SLC4A8: variants seen among roughly 807,000 people sequenced by gnomAD.
SLC4A8 encodes the protein solute carrier family 4 member 8, also known as electroneutral sodium bicarbonate exchanger 1.
A neutral mutation model predicts 125.0 loss-of-function variants in SLC4A8; 40 were observed. That is an observed-to-expected ratio of 0.32 (90% confidence interval 0.25 to 0.42). The LOEUF (loss-of-function observed/expected upper bound fraction) is 0.42, where lower values mean the gene tolerates loss of function less well. Ranked by LOEUF, SLC4A8 falls within the 10% of genes least tolerant of loss-of-function variation. The pLI is 1.00. For synonymous variants in SLC4A8, 456 were observed against 476.0 expected (o/e 0.96, Z 0.55); for missense variants, 863 against 1,355.1 (o/e 0.64, Z 5.70).
intron 1 of SLC4A8, among the ~76,000 whole-genome samples, chr12:51,408,758 G>T (rs757456645): frequency 6.6e-6 from 1 of 152,246 alleles, no homozygotes; most frequent in East Asian, 1.9e-4. Context: ...GGGTGGAGTG[G>T]AGTCCCTGTC....
At chr12:51,404,620 G>C (rs1466974565) in intron 1 of SLC4A8, among the ~76,000 whole-genome samples, 1 of 152,184 alleles carries the variant, frequency 6.6e-6, no homozygotes, top group Non-Finnish European at 1.5e-5. Context: ...TGTTTAGGGT[G>C]GCTAGTGATC....
intron 2 of SLC4A8, among the ~76,000 whole-genome samples, chr12:51,445,889 G>C (rs1949759348): frequency 6.6e-6 from 1 of 152,058 alleles, no homozygotes; most frequent in African/African-American, 2.4e-5. Context: ...TGAAGACTTT[G>C]TTCTGTTCAC....
intron 1 of SLC4A8, among the ~76,000 whole-genome samples, chr12:51,410,844 C>T (rs565824061): frequency 4.6e-5 from 7 of 150,702 alleles, no homozygotes; most frequent in Admixed American, 2.0e-4. Flanking sequence ...CCTATCTCTT[C>T]GAACAATCTT....
chr12:51,471,501 C>A lies in SLC4A8; in HGVS notation c.1873C>A (p.His625Asn), dbSNP rs1351800777. ...GGCAGAGACCTACCCCATCCACATG[C>A]ACAGCCAGCTGGACCACCTTAGCCT... ...HLAETYPIHM[H>N]SQLDHLSLYY... is the part of the protein sequence containing the mutation. The change falls in exon 14 of 25, where the codon CAC (histidine) becomes AAC (asparagine). Residue 625 changes from histidine (H) to asparagine (N), a missense_variant. Around this residue, in one of 6 missense-constraint regions of SLC4A8, gnomAD observed 76 missense variants for 80.2 expected, o/e 0.95. Transcript: ENST00000453097. 6 of 1,614,052 alleles carry A rather than the reference C, an allele frequency of 3.7e-6. No homozygotes were observed. Among genetic ancestry groups the A allele is most frequent in the African/African-American group, 1.3e-5 (1 of 74,922 alleles).
chr12:51,424,037 CAAA>C (rs35611847), upstream of SLC4A8, among the ~76,000 whole-genome samples: 139 of 38,222 alleles, frequency 3.6e-3, 1 homozygote, highest in African/African-American at 0.013. Flanking sequence ...ACTTCGTCTC[CAAA>C]AAAAAAAAAA....
chr12:51,475,103 A>G lies in SLC4A8; in HGVS notation c.2069A>G (p.Tyr690Cys), dbSNP rs1950820752. 6 of 1,613,810 alleles carry G rather than the reference A, an allele frequency of 3.7e-6. No homozygotes were observed. The highest frequency in any genetic ancestry group is 3.4e-6 in the Non-Finnish European group (4 of 1,179,720). ...TCTGCGTGCGGCCATCATGGACCCT[A>G]CACTCCTGATGTCCTCTTTTGGTCC... ...MGSACGHHGP[Y>C]TPDVLFWSCI... Residue 690 changes from tyrosine to cysteine, a missense_variant, in exon 16 of 25, where the codon TAC (tyrosine) becomes TGC (cysteine). By Grantham distance (194) the Tyr-to-Cys change is radical (BLOSUM62 -2). This residue lies in a region of SLC4A8 where 197 missense variants were observed against 377.7 expected (regional missense o/e 0.52). Transcript: ENST00000453097.
At chr12:51,482,312 A>G (rs1412626171) in intron 16 of SLC4A8, among the ~76,000 whole-genome samples, 1 of 152,120 alleles carries the variant, frequency 6.6e-6, no homozygotes, top group Non-Finnish European at 1.5e-5. Flanking sequence ...TGATAAATAT[A>G]ATTATTTCAC....
rs145113233 is a variant in SLC4A8, at chr12:51,425,106, T to A, written c.48+71T>A. ...CCTCCTCATCCTCTGCCCACCCTCC[T>A]TCCTTCTGCCCCCGAGCCCAGGCTT... On this transcript the variant is annotated intron_variant, in intron 1 of 24. Transcript: ENST00000453097. 646 of 1,508,640 alleles carry A rather than the reference T, an allele frequency of 4.3e-4. 4 individuals are homozygous for A. The African/African-American group carries it at 8.4e-3, about 20-fold the overall frequency. 93.5% of individuals were successfully genotyped at this position (1,508,640 alleles called of 1,614,324 possible). A position where few individuals can be genotyped will look rare whatever the true frequency, so the allele number is the denominator to read the frequency against.
At chr12:51,408,133 C>T (rs1948526153) in intron 1 of SLC4A8, among the ~76,000 whole-genome samples, 1 of 152,180 alleles carries the variant, frequency 6.6e-6, no homozygotes, top group Non-Finnish European at 1.5e-5. Context: ...TGCAAGGACC[C>T]TATTTCCAAA....
chr12:51,486,732 T>C (rs149399502), intron 17 of SLC4A8, among the ~76,000 whole-genome samples: 2 of 152,352 alleles, frequency 1.3e-5, no homozygotes, highest in Non-Finnish European at 2.9e-5. Context: ...AGGCAGTCCC[T>C]GACTTGCAAA....
At chr12:51,488,920 T>A in intron 18 of SLC4A8, 60 bp downstream of exon 18, 1 of 1,443,226 alleles carries the variant, frequency 6.9e-7, no homozygotes, top group Non-Finnish European at 9.6e-7. Context: ...TTCGTAAAAT[T>A]TTAGGGTAAG....
chr12:51,395,218 C>T (rs1825477447), intron 1 of SLC4A8, among the ~76,000 whole-genome samples: 1 of 152,186 alleles, frequency 6.6e-6, no homozygotes, highest in Non-Finnish European at 1.5e-5. Flanking sequence ...ACCTTGGGTC[C>T]AAGGTCCCGT....
At chr12:51,485,242 A>G (rs545809679) in intron 16 of SLC4A8, among the ~76,000 whole-genome samples, 1 of 152,306 alleles carries the variant, frequency 6.6e-6, no homozygotes, top group African/African-American at 2.4e-5. Context: ...CATTTAAAAA[A>G]CACTGCAGGG....
chr12:51,479,714 T>G (rs1950964871), intron 16 of SLC4A8, among the ~76,000 whole-genome samples: 1 of 148,492 alleles, frequency 6.7e-6, no homozygotes. Context: ...TGTGGACAAA[T>G]ATAGCTAGCA....
chr12:51,470,655 A>AAATGATGG, intron 13 of SLC4A8, 130 bp downstream of exon 13: 1 of 853,794 alleles, frequency 1.2e-6, no homozygotes, highest in Non-Finnish European at 1.8e-6. Flanking sequence ...AAAGGAGACC[A>AAATGATGG]TCATTTGGTC....
chr12:51,420,896 T>C (rs984232321), upstream of SLC4A8, among the ~76,000 whole-genome samples: 9 of 152,120 alleles, frequency 5.9e-5, no homozygotes, highest in Non-Finnish European at 2.9e-5. Flanking sequence ...CTGGGGAAGT[T>C]ACCTCTCCAA....
upstream of SLC4A8, among the ~76,000 whole-genome samples, chr12:51,420,918 C>T (rs866783516): frequency 4.6e-5 from 7 of 152,152 alleles, no homozygotes; most frequent in South Asian, 2.1e-4. Context: ...CCTCAGTTTT[C>T]TAATCTATAC....
In SLC4A8 at chr12:51,483,138, C is replaced by T. The variant is rs551156008; in HGVS notation, c.2173-2649C>T. On this transcript the variant is annotated intron_variant, in intron 16 of 24. Transcript: ENST00000453097. Reference sequence around the variant, plus strand: ...GCTTCCCTCAGTGTGCTGCTTCTCTCGGCCTTGGTGGAGGCTGAGCCTGTT... The same window carrying T: ...GCTTCCCTCAGTGTGCTGCTTCTCTTGGCCTTGGTGGAGGCTGAGCCTGTT... 4.8e-4 allele frequency among the ~76,000 whole-genome samples: 73 copies of T among 152,264 alleles called. 1 individual carries two copies. The highest frequency in any genetic ancestry group is 1.7e-3 in the African/African-American group (69 of 41,550).
chr12:51,506,425 C>A (rs1411720827), intron 24 of SLC4A8, among the ~76,000 whole-genome samples: 1 of 148,930 alleles, frequency 6.7e-6, no homozygotes, highest in Non-Finnish European at 1.5e-5. Context: ...CTTTCTTTTT[C>A]TTTTCCTTTT....
Sources: gnomAD v4.1 joint callset for allele counts (sites outside exome capture counted in the v4.1 genomes callset) on GRCh38, gnomAD v4.1.1 for gene constraint, gnomAD v4.1.1 regional missense constraint, MANE v1.5 for transcripts, NCBI Gene and HGNC (gene_info 2026-07-23, HGNC 2026-07-21) for gene names.